Variants in SCP2 observed in about 807,000 individuals in gnomAD.
The protein encoded by SCP2 is sterol carrier protein 2, also known as SCP-2/3-oxoacyl-CoA thiolase.
SCP2 carries 48 observed loss-of-function variants against 71.4 expected under a neutral mutation model. That is an observed-to-expected ratio of 0.67 (90% confidence interval 0.53 to 0.86). SCP2 has a LOEUF of 0.86. Among genes scored for constraint, SCP2 ranks in the 40% least tolerant of loss-of-function variants. The pLI is 0.00. For missense variants in SCP2, 560 were observed against 655.6 expected (o/e 0.85, Z 1.59); for synonymous variants, 220 against 218.1 (o/e 1.01, Z -0.08).
At chr1:53,049,506 A>G (rs1436243799) in intron 15 of SCP2, 2 of 152,230 alleles carry the variant, frequency 1.3e-5, no homozygotes, top group African/African-American at 2.4e-5. Context: ...GATTAAAATC[A>G]TCTTTATGTA....
intron 12 of SCP2, among the ~76,000 whole-genome samples, chr1:53,021,990 C>T (rs1295738171): frequency 6.6e-6 from 1 of 152,194 alleles, no homozygotes; most frequent in Non-Finnish European, 1.5e-5. Context: ...TTTATTAAGA[C>T]CTAATTCACA....
intron 11 of SCP2, among the ~76,000 whole-genome samples, chr1:53,000,640 G>A (rs1473887288): frequency 6.6e-6 from 1 of 152,114 alleles, no homozygotes; most frequent in Middle Eastern, 3.2e-3. Flanking sequence ...AGACCAATTC[G>A]GAGCCTCCTG....
At chr1:52,988,893 T>C (rs1171717694) in intron 11 of SCP2, among the ~76,000 whole-genome samples, 2 of 152,056 alleles carry the variant, frequency 1.3e-5, no homozygotes, top group East Asian at 1.9e-4. Context: ...AGTTTCACCA[T>C]GTTGGCCAGG....
intron 5 of SCP2, among the ~76,000 whole-genome samples, chr1:52,957,331 A>G (rs1329079355): frequency 1.3e-5 from 2 of 152,236 alleles, no homozygotes; most frequent in Non-Finnish European, 2.9e-5. Context: ...ACATGTAACT[A>G]AGCATTCATA....
rs561644979 is a variant in SCP2, at chr1:52,945,759, A to G, written c.128-2250A>G. Among the ~76,000 whole-genome samples the G allele has an allele frequency of 4.6e-5, 7 of 151,970 alleles. No individual in the cohort carries two copies. In the East Asian group the frequency reaches 7.7e-4, roughly 17 times the overall value. On this transcript the variant is annotated intron_variant, in intron 2 of 15. Coordinates refer to ENST00000371514, the MANE Select transcript of SCP2 (RefSeq NM_002979.5). ...AGTTGTGCATAATATATATATATAT[A>G]TGCCATTATTTTTGTTGGACATTTA...
intron 12 of SCP2, among the ~76,000 whole-genome samples, chr1:53,025,643 T>C (rs1357749029): frequency 6.6e-6 from 1 of 152,138 alleles, no homozygotes; most frequent in East Asian, 1.9e-4. Flanking sequence ...GGATTCTATT[T>C]CTATTTTGAA....
chr1:53,050,523 AT>A (rs747482614), intron 15 of SCP2, 85 bp from the exon 16 acceptor site: 70 of 850,018 alleles, frequency 8.2e-5, no homozygotes, highest in Non-Finnish European at 1.3e-4. Context: ...GGATAAATAA[AT>A]GATCTCAGGG....
At chr1:52,932,583 A>G (rs1029511198) in intron 1 of SCP2, among the ~76,000 whole-genome samples, 7 of 152,220 alleles carry the variant, frequency 4.6e-5, no homozygotes, top group Non-Finnish European at 8.8e-5. Flanking sequence ...CATCTGTGCA[A>G]TGACTCAGTT....
intron 12 of SCP2, among the ~76,000 whole-genome samples, chr1:53,024,936 A>T (rs1040166680): frequency 6.6e-6 from 1 of 152,036 alleles, no homozygotes; most frequent in Non-Finnish European, 1.5e-5. Flanking sequence ...CCCCCCACCA[A>T]AAAAATCCCA....
intron 14 of SCP2, among the ~76,000 whole-genome samples, chr1:53,042,960 A>ATATCTCCAGGAGGCCATCTTTGAT (rs1663537743): frequency 6.6e-6 from 1 of 152,082 alleles, no homozygotes; most frequent in South Asian, 2.1e-4. Context: ...CTCATATAGC[A>ATATCTCCAGGAGGCCATCTTTGAT]TATCTCCAGG....
chr1:53,019,810 T>TTTG (rs1661591310), intron 12 of SCP2, among the ~76,000 whole-genome samples: 1 of 152,250 alleles, frequency 6.6e-6, no homozygotes, highest in Non-Finnish European at 1.5e-5. Flanking sequence ...GCAGTTAGAA[T>TTTG]GAGGAATTTA....
intron 11 of SCP2, among the ~76,000 whole-genome samples, chr1:53,008,333 G>T (rs1255503579): frequency 6.6e-6 from 1 of 152,156 alleles, no homozygotes; most frequent in Non-Finnish European, 1.5e-5. Context: ...CAAAAAAAGA[G>T]AATTTTAGAC....
At chr1:52,989,164 T>G (rs1421518516) in intron 11 of SCP2, among the ~76,000 whole-genome samples, 3 of 152,254 alleles carry the variant, frequency 2.0e-5, no homozygotes, top group Non-Finnish European at 4.4e-5. Flanking sequence ...CTATTATTAT[T>G]GTTGCTTTAA....
intron 12 of SCP2, among the ~76,000 whole-genome samples, chr1:53,027,534 C>T (rs947653494): frequency 2.0e-5 from 3 of 152,068 alleles, no homozygotes; most frequent in East Asian, 1.9e-4. Context: ...GACGGAGTTT[C>T]GCTCTTGTTG....
At chr1:52,944,912 G>A (rs948838335) in intron 2 of SCP2, among the ~76,000 whole-genome samples, 2 of 151,934 alleles carry the variant, frequency 1.3e-5, no homozygotes, top group South Asian at 4.2e-4. Context: ...CTCCCAAAGT[G>A]CTAGGATTAC....
intron 13 of SCP2, among the ~76,000 whole-genome samples, chr1:53,038,208 A>T (rs1235456993): frequency 6.8e-6 from 1 of 146,392 alleles, no homozygotes; most frequent in Non-Finnish European, 1.5e-5. Context: ...TTATATATAT[A>T]CCATTTATAC....
intron 11 of SCP2, among the ~76,000 whole-genome samples, chr1:52,998,109 T>C (rs1191432767): frequency 6.6e-6 from 1 of 152,272 alleles, no homozygotes; most frequent in East Asian, 1.9e-4. Context: ...TAGTATTCTA[T>C]TGTTGAAATA....
At chr1:52,956,181 G>A (rs1028089200) in intron 5 of SCP2, among the ~76,000 whole-genome samples, 3 of 152,134 alleles carry the variant, frequency 2.0e-5, no homozygotes, top group Admixed American at 6.5e-5. Flanking sequence ...ATATGCGCCC[G>A]TAATCCCAGC....
intron 4 of SCP2, among the ~76,000 whole-genome samples, chr1:52,951,966 A>C (rs553327566): frequency 3.9e-5 from 6 of 152,022 alleles, no homozygotes; most frequent in Non-Finnish European, 5.9e-5. Context: ...TGATGTGCTC[A>C]CCTTGGCCTC....
Sources: gnomAD v4.1 joint callset for allele counts (sites outside exome capture counted in the v4.1 genomes callset) on GRCh38, gnomAD v4.1.1 for gene constraint, MANE v1.5 for transcripts, NCBI Gene and HGNC (gene_info 2026-07-23, HGNC 2026-07-21) for gene names.